Variants in ATAD2B observed in about 807,000 individuals in gnomAD.
The protein encoded by ATAD2B is ATPase family AAA domain-containing protein 2B.
Under a neutral mutation model 167.6 loss-of-function variants are expected in ATAD2B, and 40 were observed. The ratio of observed to expected loss-of-function variants is 0.24; its 90% CI spans 0.19 to 0.31. The LOEUF is 0.31. ATAD2B is among the 10% of genes least tolerant of loss of function. The pLI, the probability that ATAD2B is intolerant of heterozygous loss-of-function variation, is 1.00. For missense variants in ATAD2B, 1,242 were observed against 1,757.2 expected (o/e 0.71, Z 5.24); for synonymous variants, 579 against 596.5 (o/e 0.97, Z 0.43).
intron 1 of ATAD2B, among the ~76,000 whole-genome samples, chr2:23,920,630 C>T (rs111615599): frequency 0.022 from 3,424 of 152,206 alleles, 68 homozygotes; most frequent in Non-Finnish European, 0.031. Flanking sequence ...TTACGGCCTA[C>T]TCTAATAGTT....
chr2:23,782,741 T>C, intron 22 of ATAD2B, 128 bp downstream of exon 22: 1 of 650,898 alleles, frequency 1.5e-6, no homozygotes, highest in Non-Finnish European at 2.5e-6. Context: ...GAGCTTCTTA[T>C]TGAGAAGTTT....
intron 24 of ATAD2B, among the ~76,000 whole-genome samples, chr2:23,761,594 G>C (rs772681637): frequency 9.9e-5 from 15 of 152,156 alleles, no homozygotes; most frequent in Non-Finnish European, 1.9e-4. Flanking sequence ...ATCTTCCAAG[G>C]AAGGCTATCT....
intron 5 of ATAD2B, 125 bp from the exon 6 acceptor site, chr2:23,884,998 G>A (rs750793810): frequency 3.0e-5 from 13 of 435,500 alleles, no homozygotes; most frequent in Non-Finnish European, 3.6e-5. Context: ...CCATAGATTC[G>A]TGAAAATGGA....
At chr2:23,788,777 T>C in intron 19 of ATAD2B, 130 bp from the exon 20 acceptor site, 3 of 759,542 alleles carry the variant, frequency 3.9e-6, no homozygotes, top group Non-Finnish European at 4.0e-6. Flanking sequence ...CATGGGGTTA[T>C]AGTTAACCTA....
intron 19 of ATAD2B, among the ~76,000 whole-genome samples, chr2:23,789,510 C>T (rs1340630588): frequency 6.6e-6 from 1 of 152,034 alleles, no homozygotes; most frequent in Non-Finnish European, 1.5e-5. Context: ...AAAGAGTTAA[C>T]CTTGTGATTT....
chr2:23,864,127 C>G (rs953282139), intron 11 of ATAD2B, among the ~76,000 whole-genome samples: 1 of 151,866 alleles, frequency 6.6e-6, no homozygotes, highest in African/African-American at 2.4e-5. Flanking sequence ...GCCTCAGCCT[C>G]CCGAGTAGCT....
At chr2:23,926,534 C>T (rs994616670) in intron 1 of ATAD2B, 21 bp downstream of exon 1, 20 of 1,537,478 alleles carry the variant, frequency 1.3e-5, no homozygotes, top group Non-Finnish European at 1.7e-5. Context: ...AGCCTCCGGA[C>T]TCGGGACGCC....
At chr2:23,683,596 C>A in the ATAD2B span, among the ~76,000 whole-genome samples, 1 of 152,310 alleles carries the variant, frequency 6.6e-6, no homozygotes, top group South Asian at 2.1e-4. Flanking sequence ...CTGTCTGTGC[C>A]AGCCCCAGGT....
At chr2:23,889,986 G>A (rs919072021) in intron 2 of ATAD2B, among the ~76,000 whole-genome samples, 4 of 151,522 alleles carry the variant, frequency 2.6e-5, no homozygotes, top group South Asian at 2.1e-4. Flanking sequence ...AGGCCGAGGC[G>A]GGCAGATTAC....
At chr2:23,815,344 T>C (rs1293709927) in intron 17 of ATAD2B, among the ~76,000 whole-genome samples, 1 of 152,160 alleles carries the variant, frequency 6.6e-6, no homozygotes, top group Non-Finnish European at 1.5e-5. Context: ...TCAGAAAGAC[T>C]TGGTCATTGA....
intron 12 of ATAD2B, among the ~76,000 whole-genome samples, chr2:23,862,194 CAAAAAAA>C (rs762916583): frequency 8.7e-6 from 1 of 114,530 alleles, no homozygotes; most frequent in African/African-American, 3.2e-5. Context: ...GTGACCCTTT[CAAAAAAA>C]AAAAAAAAAT....
chr2:23,757,917 T>C lies in ATAD2B; in HGVS notation c.3579A>G (p.Glu1193=), dbSNP rs753244988. 3 of 1,610,030 alleles carry C rather than the reference T, an allele frequency of 1.9e-6. No individual in the cohort carries two copies. Among genetic ancestry groups the C allele is most frequent in the Admixed American group, 1.7e-5 (1 of 59,012 alleles). The change falls in exon 25 of 28, where the codon GAA becomes GAG. Residue 1193 remains glutamate, a synonymous_variant. Transcript: ENST00000238789. ...EFEVSTDCHE[E]NGEETGDLSM... The stretch of plus-strand genomic sequence containing the variant: ...ATAAGTCTCCAGTCTCTTCTCCATT[T>C]TCCTCATGGCAGTCAGTGCTTACCT...
rs140140415 is a variant in ATAD2B, at chr2:23,922,918, A to C, written c.216+3637T>G. Among the ~76,000 whole-genome samples the C allele has an allele frequency of 9.3e-4, 141 of 152,278 alleles. 1 individual carries two copies. The highest frequency in any genetic ancestry group is 5.7e-3 in the Admixed American group (87 of 15,294). The stretch of plus-strand genomic sequence containing the variant: ...TGGTACATGTCAGTAGAAATGCAAA[A>C]TGGTGCAGCCACTATGGAAAACAGT... On this transcript the variant is annotated intron_variant, in intron 1 of 27. Coordinates refer to ENST00000238789, the MANE Select transcript of ATAD2B (RefSeq NM_017552.4).
chr2:23,883,941 C>G lies in ATAD2B; in HGVS notation c.784+824G>C, dbSNP rs530432743. Among the ~76,000 whole-genome samples the G allele has an allele frequency of 7.8e-4, 118 of 152,146 alleles. 1 individual carries two copies. The highest frequency in any genetic ancestry group is 2.8e-3 in the African/African-American group (117 of 41,512). ...GGTGGATCACCAGAGGTCAGGAGTT[C>G]AACACAAGCCTGGCCAACAAGGCAA... On this transcript the variant is annotated intron_variant, in intron 6 of 27. Coordinates refer to ENST00000238789, the MANE Select transcript of ATAD2B (RefSeq NM_017552.4).
In ATAD2B at chr2:23,926,859, C is replaced by G. The variant is rs375168727; in HGVS notation, c.-89G>C. 1.1e-5 allele frequency: 15 copies of G among 1,415,264 alleles called. No individual in the cohort carries two copies. The highest frequency in any genetic ancestry group is 1.5e-5 in the South Asian group (1 of 65,896). The allele number at this position is 1,415,264 out of a possible 1,614,324, so 87.7% of individuals were successfully genotyped here. A position where few individuals can be genotyped will look rare whatever the true frequency, so the allele number is the denominator to read the frequency against. On this transcript the variant is annotated 5_prime_UTR_variant, in exon 1 of 28. Coordinates refer to ENST00000238789, the MANE Select transcript of ATAD2B (RefSeq NM_017552.4). The stretch of plus-strand genomic sequence containing the variant: ...GCCGGTCAGTCAGGGCCAGCGGAGC[C>G]GAGCCGGGCAATGAGAGACGAGCCG...
At chr2:23,823,671 AC>A in intron 15 of ATAD2B, 102 bp from the exon 16 acceptor site, 1 of 1,044,836 alleles carries the variant, frequency 9.6e-7, no homozygotes, top group Non-Finnish European at 1.4e-6. Flanking sequence ...CATAATCAAT[AC>A]TAAATCAATA....
intron 1 of ATAD2B, among the ~76,000 whole-genome samples, chr2:23,904,187 A>G (rs2150446535): frequency 6.6e-6 from 1 of 152,294 alleles, no homozygotes; most frequent in African/African-American, 2.4e-5. Context: ...GAGTATAAAA[A>G]CAGAAGGGCA....
chr2:23,690,664 G>C, the ATAD2B span: 4 of 152,326 alleles, frequency 2.6e-5, no homozygotes, highest in Middle Eastern at 6.8e-3. Flanking sequence ...CGGCCAAGCC[G>C]ACGGCCTGCG....
chr2:23,773,378 T>G (rs1678633628), intron 22 of ATAD2B, among the ~76,000 whole-genome samples: 1 of 152,080 alleles, frequency 6.6e-6, no homozygotes, highest in Admixed American at 6.5e-5. Context: ...TGGTGGCTCA[T>G]GTGGTCCCGG....
Sources: gnomAD v4.1 joint callset for allele counts (sites outside exome capture counted in the v4.1 genomes callset) on GRCh38, gnomAD v4.1.1 for gene constraint, MANE v1.5 for transcripts, NCBI Gene and HGNC (gene_info 2026-07-23, HGNC 2026-07-21) for gene names.